The following TRIM44 variants were observed in gnomAD, a reference collection of about 807,000 sequenced individuals.
TRIM44 encodes tripartite motif containing 44.
A neutral mutation model predicts 37.4 loss-of-function variants in TRIM44; 13 were observed. That is an observed-to-expected ratio of 0.35 (90% CI 0.23 to 0.55). TRIM44 has a LOEUF of 0.55. TRIM44 is among the 20% of genes least tolerant of loss of function. The pLI is 0.89. For synonymous variants in TRIM44, 175 were observed against 157.2 expected, an observed-to-expected ratio of 1.11 and a Z score of -0.85; for missense variants, 426 against 437.2, an observed-to-expected ratio of 0.97 and a Z score of 0.23.
chr11:35,742,985 T>C (rs868050303), intron 4 of TRIM44, among the ~76,000 whole-genome samples: 1 of 151,810 alleles, frequency 6.6e-6, no homozygotes, highest in South Asian at 2.1e-4. Context: ...CTCTTAACTA[T>C]TGCAGTATAA....
chr11:35,752,253 C>T (rs1036393094), intron 4 of TRIM44, among the ~76,000 whole-genome samples: 16 of 151,994 alleles, frequency 1.1e-4, no homozygotes, highest in Non-Finnish European at 1.5e-4. Flanking sequence ...TCTACCTCAC[C>T]GTCCTGGTGT....
In TRIM44 at chr11:35,672,192, G is replaced by A. The variant is rs535296492; in HGVS notation, c.669+8412G>A. Among the ~76,000 whole-genome samples the A allele has an allele frequency of 2.6e-5, 4 of 152,196 alleles. No individual in the cohort carries two copies. In the South Asian group the frequency reaches 8.3e-4, roughly 32 times the overall value. ...ATTTTGAACACAACCTACAGTAGAG[G>A]AAATATATTTTATACTGTGATCTCC... On this transcript the variant is annotated intron_variant, in intron 1 of 4. Coordinates refer to ENST00000299413, the MANE Select transcript of TRIM44 (RefSeq NM_017583.6).
intron 2 of TRIM44, among the ~76,000 whole-genome samples, chr11:35,722,381 G>A (rs1488573476): frequency 6.6e-6 from 1 of 152,172 alleles, no homozygotes; most frequent in East Asian, 1.9e-4. Context: ...GCTCACGAAA[G>A]AATTCAGGGC....
In TRIM44 at chr11:35,685,288, T is replaced by C; in HGVS notation, c.699T>C (p.Ala233=). ...RSKDSGGLKA[A]MIELVERLKF... ...AAGACTCAGGTGGACTGAAGGCCGC[T>C]ATGATCGAATTGGTGGAAAGGTTGA... is the stretch of plus-strand genomic sequence containing the variant. Residue 233 remains alanine, a synonymous_variant, in exon 2 of 5, where the codon GCT becomes GCC. Transcript: ENST00000299413. 6.2e-7 allele frequency: 1 copy of C among 1,614,240 alleles called. No individual in the cohort carries two copies. The highest frequency in any genetic ancestry group is 8.5e-7 in the Non-Finnish European group (1 of 1,180,024).
chr11:35,681,192 A>G (rs1302017646), intron 1 of TRIM44, among the ~76,000 whole-genome samples: 1 of 152,182 alleles, frequency 6.6e-6, no homozygotes, highest in African/African-American at 2.4e-5. Context: ...CCAGTGAAAG[A>G]GTATAAGCGC....
chr11:35,681,506 A>C (rs546297704), intron 1 of TRIM44, among the ~76,000 whole-genome samples: 48 of 152,308 alleles, frequency 3.2e-4, no homozygotes, highest in African/African-American at 1.1e-3. Flanking sequence ...GTACATAAAC[A>C]AGATATGCTC....
chr11:35,733,822 C>A (rs891660025), intron 3 of TRIM44, among the ~76,000 whole-genome samples: 6 of 152,152 alleles, frequency 3.9e-5, no homozygotes, highest in Admixed American at 2.6e-4. Flanking sequence ...ATGTGCACAT[C>A]CCCATTCTGT....
intron 4 of TRIM44, among the ~76,000 whole-genome samples, chr11:35,742,944 A>C (rs144543844): frequency 6.6e-6 from 1 of 151,680 alleles, no homozygotes; most frequent in Non-Finnish European, 1.5e-5. Flanking sequence ...GCCAGCATTC[A>C]AACTCAAGTA....
At chr11:35,723,387 C>A (rs910554361) in intron 2 of TRIM44, among the ~76,000 whole-genome samples, 2 of 152,156 alleles carry the variant, frequency 1.3e-5, no homozygotes, top group Non-Finnish European at 2.9e-5. Context: ...TTCCACTTCA[C>A]CCTAATGCAA....
At chr11:35,773,179 C>G (rs960303236) in intron 4 of TRIM44, among the ~76,000 whole-genome samples, 19 of 152,154 alleles carry the variant, frequency 1.2e-4, no homozygotes, top group Non-Finnish European at 1.6e-4. Context: ...TGAGGCCTCC[C>G]CAGCCATGTG....
intron 1 of TRIM44, among the ~76,000 whole-genome samples, chr11:35,676,934 A>G (rs1194149500): frequency 6.6e-6 from 1 of 152,182 alleles, no homozygotes; most frequent in African/African-American, 2.4e-5. Flanking sequence ...TGTTGTTTTG[A>G]GACTGTTGTT....
chr11:35,776,506 G>T (rs1852964236), intron 4 of TRIM44, among the ~76,000 whole-genome samples: 1 of 152,118 alleles, frequency 6.6e-6, no homozygotes, highest in African/African-American at 2.4e-5. Flanking sequence ...GCTAGCTTTT[G>T]AATGTGCTTG....
At chr11:35,801,197 T>C (rs113819169) in intron 4 of TRIM44, among the ~76,000 whole-genome samples, 2,455 of 152,356 alleles carry the variant, frequency 0.016, 33 homozygotes, top group Middle Eastern at 0.031. Flanking sequence ...CTTCCTCAGA[T>C]ACTGAAAGTG....
chr11:35,680,668 C>CCTT (rs1273054105), intron 1 of TRIM44, among the ~76,000 whole-genome samples: 4 of 152,162 alleles, frequency 2.6e-5, no homozygotes, highest in Non-Finnish European at 5.9e-5. Flanking sequence ...AGGTGCTAGT[C>CCTT]TTCCTCAAGA....
In TRIM44 at chr11:35,798,806, G is replaced by A. The variant is rs183837622; in HGVS notation, c.1008-7552G>A. Among the ~76,000 whole-genome samples, 439 of 152,268 alleles carry A rather than the reference G, an allele frequency of 2.9e-3. 4 individuals carry two copies. The highest frequency in any genetic ancestry group is 6.8e-3 in the Middle Eastern group (2 of 294). On this transcript the variant is annotated intron_variant, in intron 4 of 4. Transcript: ENST00000299413. ...TGAGTGGAAAAAGCAGACTGTGAAGGAGACTGTCAAGTATGAGCTGATTTT... is the reference window on the plus strand; with the variant it reads ...TGAGTGGAAAAAGCAGACTGTGAAGAAGACTGTCAAGTATGAGCTGATTTT...
At chr11:35,770,174 G>T (rs1852848378) in intron 4 of TRIM44, among the ~76,000 whole-genome samples, 1 of 152,154 alleles carries the variant, frequency 6.6e-6, no homozygotes, top group South Asian at 2.1e-4. Flanking sequence ...TTTTGTTCCT[G>T]TGTTAATTCA....
rs11033229 is a variant in TRIM44, at chr11:35,676,763, C to T, written c.670-8496C>T. ...CTGTGAATTTTGAGTGTGTGTGAAC[C>T]CTGGCAGGCTCTAACCTGTGTTGAT... On this transcript the variant is annotated intron_variant, in intron 1 of 4. Transcript: ENST00000299413. 0.014 allele frequency among the ~76,000 whole-genome samples: 2,107 copies of T among 152,130 alleles called. 118 individuals are homozygous for T. In the East Asian group the frequency reaches 0.14, roughly 10 times the overall value.
chr11:35,668,107 A>T (rs1440358711), intron 1 of TRIM44, among the ~76,000 whole-genome samples: 2 of 152,116 alleles, frequency 1.3e-5, no homozygotes, highest in Non-Finnish European at 2.9e-5. Context: ...TCCTGGAGAG[A>T]GTGAAGGGGG....
intron 4 of TRIM44, among the ~76,000 whole-genome samples, chr11:35,771,251 GT>G (rs1310100086): frequency 6.6e-6 from 1 of 152,210 alleles, no homozygotes; most frequent in Non-Finnish European, 1.5e-5. Context: ...AGATGAGGAA[GT>G]TGTTGGAAAC....
Sources: allele counts gnomAD v4.1 joint callset (sites outside exome capture counted in the v4.1 genomes callset), GRCh38; gene constraint gnomAD v4.1.1; transcripts MANE v1.5; gene names NCBI Gene and HGNC (gene_info 2026-07-23, HGNC 2026-07-21).